The following MPDU1 variants were observed in gnomAD, a reference collection of about 807,000 sequenced individuals.
MPDU1 encodes mannose-P-dolichol utilization defect 1 protein.
MPDU1 carries 18 observed loss-of-function variants against 27.6 expected under a neutral mutation model. The observed-to-expected ratio is 0.65, with a 90% CI of 0.45 to 0.97. MPDU1 has a LOEUF of 0.97. Among genes scored for constraint, MPDU1 ranks in the 50% least tolerant of loss-of-function variants. The pLI is 0.00. For missense variants in MPDU1, 279 were observed against 297.4 expected, an observed-to-expected ratio of 0.94 and a Z score of 0.46; for synonymous variants, 142 against 131.1, an observed-to-expected ratio of 1.08 and a Z score of -0.57.
rs1468561158 is a variant in MPDU1, at chr17:7,586,117, C to G, written c.302+39C>G. 7 of 1,611,038 alleles carry G rather than the reference C, an allele frequency of 4.3e-6. No homozygotes were observed. The South Asian group carries it at 7.7e-5, about 18-fold the overall frequency. On this transcript the variant is annotated intron_variant, in intron 3 of 6. Transcript: ENST00000250124. ...CCTTCCACCCCAAGGGTAATACCCA[C>G]AACTCTAATGGGGATTAAGGTGAAG...
chr17:7,584,035 C>A, intron 1 of MPDU1, 70 bp downstream of exon 1: 1 of 1,478,782 alleles, frequency 6.8e-7, no homozygotes, highest in Non-Finnish European at 9.4e-7. Flanking sequence ...AAGCCTTGAT[C>A]GGCGACTAAG....
At position 7,586,971 on chromosome 17, in the gene MPDU1, T is replaced by C. The variant is rs2071594048; in HGVS notation, c.461T>C (p.Val154Ala). 6.3e-7 allele frequency: 1 copy of C among 1,595,202 alleles called. No homozygotes were observed. Among genetic ancestry groups the C allele is most frequent in the Non-Finnish European group, 8.5e-7 (1 of 1,172,642 alleles). The change falls in exon 5 of 7, where the codon GTC (valine) becomes GCC (alanine). Residue 154 changes from valine to alanine, a missense_variant. Physicochemically the swap from Val to Ala is moderately conservative, Grantham distance 64 (BLOSUM62 0). Coordinates refer to ENST00000250124, the MANE Select transcript of MPDU1 (RefSeq NM_004870.4). ...TCACCTCTGACGCCCTTGACTGTAG[T>C]CACCCTGCTCCAGGCCTCCAATGTG... Reference protein sequence around the residue: ...LLSPLTPLTVVTLLQASNVPA... With the variant: ...LLSPLTPLTVATLLQASNVPA...
At chr17:7,586,587 G>A in intron 3 of MPDU1, 105 bp from the exon 4 acceptor site, 1 of 1,008,646 alleles carries the variant, frequency 9.9e-7, no homozygotes. Flanking sequence ...GGGGGCTGTA[G>A]AGAAGCGTGA....
At chr17:7,583,720 G>A (rs746202848), upstream of MPDU1, 8 of 860,868 alleles carry the variant, frequency 9.3e-6, no homozygotes, top group Admixed American at 6.8e-5. Context: ...CTAGAGTGAG[G>A]GTGGGTAGCG....
intron 1 of MPDU1, 24 bp from the exon 2 acceptor site, chr17:7,585,708 G>T: frequency 3.1e-6 from 5 of 1,613,338 alleles, no homozygotes; most frequent in South Asian, 1.1e-5. Flanking sequence ...TCTCCTGTCT[G>T]CTTACCCTTT....
intron 1 of MPDU1, among the ~76,000 whole-genome samples, chr17:7,584,730 G>T (rs1412190033): frequency 6.6e-6 from 1 of 152,198 alleles, no homozygotes; most frequent in Non-Finnish European, 1.5e-5. Flanking sequence ...GGTGGCTCAC[G>T]CCTGTAATCC....
chr17:7,584,074 C>G (rs1597861317), intron 1 of MPDU1, 109 bp downstream of exon 1: 8 of 1,133,908 alleles, frequency 7.1e-6, no homozygotes, highest in African/African-American at 1.5e-5. Context: ...CCATGCCGAG[C>G]TGGACGGAAG....
At chr17:7,586,188 G>A in intron 3 of MPDU1, 110 bp downstream of exon 3, 1 of 1,379,038 alleles carries the variant, frequency 7.3e-7, no homozygotes, top group Non-Finnish European at 1.0e-6. Flanking sequence ...GCTTGCACCT[G>A]TAACCCCAGC....
In MPDU1 at chr17:7,586,030, C is replaced by T. The variant is rs2071577518; in HGVS notation, c.254C>T (p.Ala85Val). 2.5e-6 allele frequency: 4 copies of T among 1,614,066 alleles called. No homozygotes were observed. Among genetic ancestry groups the T allele is most frequent in the Non-Finnish European group, 2.5e-6 (3 of 1,180,014 alleles). Residue 85 changes from alanine to valine, a missense_variant, in exon 3 of 7, where the codon GCA (alanine) becomes GTA (valine). Ala to Val is a moderately conservative substitution (Grantham distance 64, BLOSUM62 0). Coordinates refer to ENST00000250124, the MANE Select transcript of MPDU1 (RefSeq NM_004870.4). ...CAGTCTGTAATGCTGGAGCTAGTGG[C>T]ATTGACTGGGACCATGGTCTACAGC... ...SLQSVMLELV[A>V]LTGTMVYSIT...
chr17:7,587,715 C>G lies in MPDU1; in HGVS notation c.*164C>G, dbSNP rs532280586. The G allele has an allele frequency of 5.7e-6, 6 of 1,050,394 alleles. No homozygotes were observed. The highest frequency in any genetic ancestry group is 1.6e-5 in the African/African-American group (1 of 63,312). The allele number at this position is 1,050,394 out of a possible 1,614,324, so 65.1% of individuals were successfully genotyped here. ...TAGTGGAAACAAATGGTTGATGGAT[C>G]CAGATCCTTAGAAAAGGAGAGGATG... On this transcript the variant is annotated 3_prime_UTR_variant, in exon 7 of 7. Coordinates refer to ENST00000250124, the MANE Select transcript of MPDU1 (RefSeq NM_004870.4).
chr17:7,586,212 G>A (rs1421849023), intron 3 of MPDU1, 134 bp downstream of exon 3: 19 of 1,060,602 alleles, frequency 1.8e-5, no homozygotes, highest in Middle Eastern at 2.9e-4. Flanking sequence ...TTGGGAGGCC[G>A]AGGCGGGTGG....
At chr17:7,586,808 G>A (rs778164341) in intron 4 of MPDU1, 31 bp downstream of exon 4, 1 of 1,612,574 alleles carries the variant, frequency 6.2e-7, no homozygotes. Context: ...AGCAGGCTGT[G>A]TGGTTCCTGG....
Position 7,587,564 on chromosome 17 carries a change from G to T in MPDU1, c.*13G>T. On this transcript the variant is annotated 3_prime_UTR_variant, in exon 7 of 7. Transcript: ENST00000250124. ...AAAGGCGCAGTAGAGCCAGCTACTG[G>T]AGTCATTCCGTTTCCACTCATTCAC... 1 of 1,613,600 alleles carries T rather than the reference G, an allele frequency of 6.2e-7. No individual in the cohort carries two copies.
chr17:7,587,428 A>T lies in MPDU1; in HGVS notation c.621A>T (p.Glu207Asp). 1 of 1,613,948 alleles carries T rather than the reference A, an allele frequency of 6.2e-7. No individual in the cohort carries two copies. Among genetic ancestry groups the T allele is most frequent in the South Asian group, 1.1e-5 (1 of 91,084 alleles). ...SLARIFTSIQ[E>D]TGDPLMAGTF... ...CTGGCTCTGTCTCTTGCAACCAGGA[A>T]ACCGGAGATCCCCTGATGGCTGGGA... The change falls in exon 7 of 7, where the codon GAA (glutamate) becomes GAT (aspartate). Residue 207 changes from glutamate to aspartate, a missense_variant and splice_region_variant. By Grantham distance (45) the Glu-to-Asp change is conservative. Coordinates refer to ENST00000250124, the MANE Select transcript of MPDU1 (RefSeq NM_004870.4).
Position 7,587,925 on chromosome 17 carries a change from A to C in MPDU1, c.*374A>C. The C allele has an allele frequency of 2.1e-6, 1 of 483,586 alleles. No individual in the cohort carries two copies. The highest frequency in any genetic ancestry group is 1.5e-5 in the South Asian group (1 of 64,796). The allele number at this position is 483,586 out of a possible 1,614,324, so 30.0% of individuals were successfully genotyped here. A position where few individuals can be genotyped will look rare whatever the true frequency, so the allele number is the denominator to read the frequency against. ...CTCCCTGCTTCCCTTCTGGCCCTGG[A>C]AGACTGAGTCTGGACGGCAGAGTGG... On this transcript the variant is annotated 3_prime_UTR_variant, in exon 7 of 7. Coordinates refer to ENST00000250124, the MANE Select transcript of MPDU1 (RefSeq NM_004870.4).
Position 7,587,219 on chromosome 17 carries a change from C to G in MPDU1, c.566C>G (p.Thr189Arg). Residue 189 changes from threonine (T) to arginine (R), a missense_variant, in exon 6 of 7, where the codon ACA (threonine) becomes AGA (arginine). Physicochemically the swap from Thr to Arg is moderately conservative, Grantham distance 71. Coordinates refer to ENST00000250124, the MANE Select transcript of MPDU1 (RefSeq NM_004870.4). ...NGHTGQLSAI[T>R]VFLLFGGSLA... ...CACACAGGCCAGCTCTCAGCCATCA[C>G]AGTCTTCCTGCTGTTTGGGGGCTCC... 2 of 1,614,136 alleles carry G rather than the reference C, an allele frequency of 1.2e-6. No homozygotes were observed. Among genetic ancestry groups the G allele is most frequent in the Non-Finnish European group, 1.7e-6 (2 of 1,180,020 alleles).
chr17:7,583,709 A>C, upstream of MPDU1: 1 of 835,640 alleles, frequency 1.2e-6, no homozygotes, highest in Non-Finnish European at 2.1e-6. Flanking sequence ...ATTTTACGCC[A>C]CTAGAGTGAG....
rs1301982580 is a variant in MPDU1 at position 7,587,848 on chromosome 17, T to C, written c.*297T>C. Reference sequence around the variant, plus strand: ...GCCAAGCCTCCTCCTCTAGCAGCAATTTCCAGCTGTGTAACACTATCCTGG... The same window carrying C: ...GCCAAGCCTCCTCCTCTAGCAGCAACTTCCAGCTGTGTAACACTATCCTGG... On this transcript the variant is annotated 3_prime_UTR_variant, in exon 7 of 7. Coordinates refer to ENST00000250124, the MANE Select transcript of MPDU1 (RefSeq NM_004870.4). 1.9e-6 allele frequency: 1 copy of C among 538,676 alleles called. No individual in the cohort carries two copies. The highest frequency in any genetic ancestry group is 2.2e-5 in the Admixed American group (1 of 44,946). 33.4% of individuals were successfully genotyped at this position (538,676 alleles called of 1,614,324 possible). A position where few individuals can be genotyped will look rare whatever the true frequency, so the allele number is the denominator to read the frequency against.
In MPDU1 at chr17:7,586,880, C is replaced by T. The variant is rs772987110; in HGVS notation, c.389-19C>T. ...TGATGTGGAGAGATTGACAAGGACT[C>T]CTGTCTCCCCACCCCTAGGTGTCGC... On this transcript the variant is annotated intron_variant, in intron 4 of 6. Coordinates refer to ENST00000250124, the MANE Select transcript of MPDU1 (RefSeq NM_004870.4). 5 of 1,612,958 alleles carry T rather than the reference C, an allele frequency of 3.1e-6. No homozygotes were observed. In the Admixed American group the frequency reaches 5.0e-5, roughly 16 times the overall value.
Sources: allele counts gnomAD v4.1 joint callset (sites outside exome capture counted in the v4.1 genomes callset), GRCh38; gene constraint gnomAD v4.1.1; transcripts MANE v1.5; gene names NCBI Gene and HGNC (gene_info 2026-07-23, HGNC 2026-07-21).